The following KANSL1L variants were observed in gnomAD, a reference collection of about 807,000 sequenced individuals.
KANSL1L encodes KAT8 regulatory NSL complex subunit 1-like protein.
A neutral mutation model predicts 108.6 loss-of-function variants in KANSL1L; 25 were observed. That is an observed-to-expected ratio of 0.23 (90% confidence interval 0.17 to 0.32). The LOEUF is 0.32. Ranked by LOEUF, KANSL1L falls within the 10% of genes least tolerant of loss-of-function variation. The pLI is 1.00. For missense variants in KANSL1L, 1,137 were observed against 1,125.7 expected (o/e 1.01, Z -0.14); for synonymous variants, 405 against 395.1 (o/e 1.03, Z -0.30).
At chr2:210,077,862 C>T (rs1221709587) in intron 5 of KANSL1L, among the ~76,000 whole-genome samples, 1 of 152,220 alleles carries the variant, frequency 6.6e-6, no homozygotes, top group Non-Finnish European at 1.5e-5. Context: ...GACACAACTT[C>T]TGAACTGGCT....
chr2:210,023,087 C>T lies in KANSL1L; in HGVS notation c.2826G>A (p.Arg942=), dbSNP rs371880943. Reference sequence around the variant, plus strand: ...TTTCACCATGGAAAGCTGTGCTTGACCTTTCAACCTGATCCTTTTTTTCAT... The same window carrying T: ...TTTCACCATGGAAAGCTGTGCTTGATCTTTCAACCTGATCCTTTTTTTCAT... ...CQDEKKDQVE[R]SSTAFHGEIF... Residue 942 remains arginine, a synonymous_variant, in exon 15 of 15, where the codon AGG becomes AGA. Transcript: ENST00000281772. The T allele has an allele frequency of 6.2e-7, 1 of 1,613,896 alleles. No homozygotes were observed. Among genetic ancestry groups the T allele is most frequent in the Non-Finnish European group, 8.5e-7 (1 of 1,179,956 alleles).
intron 3 of KANSL1L, among the ~76,000 whole-genome samples, chr2:210,124,430 GA>G (rs1259268605): frequency 2.6e-5 from 4 of 151,944 alleles, no homozygotes; most frequent in Non-Finnish European, 4.4e-5. Context: ...AGAAAAATTA[GA>G]AAACAGTTAG....
chr2:210,153,425 T>C, intron 2 of KANSL1L, 70 bp downstream of exon 2: 2 of 1,174,020 alleles, frequency 1.7e-6, no homozygotes, highest in East Asian at 2.4e-5. Context: ...CTTGTCAACA[T>C]ACCTGGAAAC....
Position 210,079,650 on chromosome 2 carries a change from A to ATATATATGTGTGTG in KANSL1L, c.1551-3895_1551-3894insCACACACATATATA, listed in dbSNP as rs1553653251. On this transcript the variant is annotated intron_variant, in intron 5 of 14. Transcript: ENST00000281772. Reference sequence around the variant, plus strand: ...TATATATATATATATATATATATATATATATATATATATATGTATGTGTGT... The same window carrying ATATATATGTGTGTG: ...TATATATATATATATATATATATATATATATATGTGTGTGTATATATATATATATGTATGTGTGT... Among the ~76,000 whole-genome samples, 6 of 19,542 alleles carry ATATATATGTGTGTG rather than the reference A, an allele frequency of 3.1e-4. 1 individual carries two copies. The highest frequency in any genetic ancestry group is 5.5e-4 in the Non-Finnish European group (6 of 10,982). 12.8% of individuals were successfully genotyped at this position (19,542 alleles called of 152,430 possible).
rs368779051 is a variant in KANSL1L at position 210,110,741 on chromosome 2, T to A, written c.1231-6440A>T. On this transcript the variant is annotated intron_variant, in intron 3 of 14. Coordinates refer to ENST00000281772, the MANE Select transcript of KANSL1L (RefSeq NM_152519.4). ...GAGAAAAAAATTGACAAACATACAATATTTGGATGATAGTAGCAGAGAATA... is the reference window on the plus strand; with the variant it reads ...GAGAAAAAAATTGACAAACATACAAAATTTGGATGATAGTAGCAGAGAATA... 5.9e-5 allele frequency among the ~76,000 whole-genome samples: 9 copies of A among 152,240 alleles called. No homozygotes were observed. The East Asian group carries it at 1.5e-3, about 26-fold the overall frequency.
intron 6 of KANSL1L, among the ~76,000 whole-genome samples, chr2:210,050,341 G>C (rs1310418010): frequency 6.6e-6 from 1 of 152,036 alleles, no homozygotes; most frequent in Non-Finnish European, 1.5e-5. Context: ...AGTATAAATG[G>C]TCTAAGCACT....
intron 1 of KANSL1L, among the ~76,000 whole-genome samples, chr2:210,164,005 T>C (rs1361054753): frequency 6.6e-6 from 1 of 152,048 alleles, no homozygotes; most frequent in African/African-American, 2.4e-5. Flanking sequence ...GCAAAAAAAT[T>C]AGGAAACATT....
At chr2:210,167,031 AAAAT>A (rs1471911307) in intron 1 of KANSL1L, among the ~76,000 whole-genome samples, 2 of 152,132 alleles carry the variant, frequency 1.3e-5, no homozygotes, top group African/African-American at 4.8e-5. Context: ...CAAAAATTTA[AAAAT>A]AAATAAATAA....
At chr2:210,058,797 A>G (rs1255986510) in intron 6 of KANSL1L, among the ~76,000 whole-genome samples, 1 of 147,276 alleles carries the variant, frequency 6.8e-6, no homozygotes, top group East Asian at 2.0e-4. Context: ...AGATCGCGCC[A>G]CTGCACTCCA....
chr2:210,124,245 C>T, intron 3 of KANSL1L, among the ~76,000 whole-genome samples: 1 of 151,960 alleles, frequency 6.6e-6, no homozygotes. Flanking sequence ...CCAGATGGAC[C>T]ATATGTTAGG....
chr2:210,039,086 A>G (rs1380189135), intron 8 of KANSL1L, among the ~76,000 whole-genome samples: 1 of 151,912 alleles, frequency 6.6e-6, no homozygotes, highest in South Asian at 2.1e-4. Flanking sequence ...TTTAGTGATT[A>G]TAACTTCATA....
At chr2:210,091,657 C>T (rs889428626) in intron 5 of KANSL1L, among the ~76,000 whole-genome samples, 1 of 152,126 alleles carries the variant, frequency 6.6e-6, no homozygotes, top group African/African-American at 2.4e-5. Context: ...CAATCTGAAT[C>T]GATTTCCTCC....
intron 14 of KANSL1L, among the ~76,000 whole-genome samples, chr2:210,023,825 T>C (rs1225055967): frequency 2.0e-5 from 3 of 152,208 alleles, no homozygotes; most frequent in African/African-American, 7.2e-5. Context: ...AATAGATAAA[T>C]AAGTACTTGG....
intron 5 of KANSL1L, chr2:210,096,406 C>T (rs1490839397): frequency 1.2e-5 from 9 of 749,372 alleles, no homozygotes; most frequent in Non-Finnish European, 1.5e-5. Context: ...TATTTGTGTC[C>T]CTAGGACTTG....
chr2:210,113,126 T>C (rs780794266), intron 3 of KANSL1L, among the ~76,000 whole-genome samples: 26 of 152,184 alleles, frequency 1.7e-4, no homozygotes, highest in African/African-American at 5.6e-4. Context: ...GCAACCATTG[T>C]TGTAGTACCT....
intron 3 of KANSL1L, among the ~76,000 whole-genome samples, chr2:210,111,383 A>G (rs1358857865): frequency 1.3e-5 from 2 of 152,174 alleles, no homozygotes; most frequent in Non-Finnish European, 2.9e-5. Context: ...AAAGAGCAAA[A>G]TAGAGATTAA....
chr2:210,026,166 C>G (rs1344269972), intron 12 of KANSL1L, among the ~76,000 whole-genome samples: 2 of 152,072 alleles, frequency 1.3e-5, no homozygotes, highest in African/African-American at 2.4e-5. Context: ...AGGAAGAATA[C>G]ATTAGAAGAG....
rs533093438 is a variant in KANSL1L at position 210,044,241 on chromosome 2, C to T, written c.1756-137G>A. On this transcript the variant is annotated intron_variant, in intron 6 of 14. Transcript: ENST00000281772. This position sits in a 1 kb window ranked among gnomAD's most constrained non-coding sequence, Gnocchi z 4.2. The stretch of plus-strand genomic sequence containing the variant: ...TTACAAATATTTTGCTAGATGTTTT[C>T]CCAATTAACTTTAATATTTATTAAT... The T allele has an allele frequency of 1.1e-4, 55 of 488,740 alleles. No individual in the cohort carries two copies. In the Middle Eastern group the frequency reaches 2.4e-3, roughly 21 times the overall value. 30.3% of individuals were successfully genotyped at this position (488,740 alleles called of 1,614,324 possible).
intron 5 of KANSL1L, among the ~76,000 whole-genome samples, chr2:210,084,182 G>C (rs950668260): frequency 7.9e-5 from 12 of 152,144 alleles, no homozygotes; most frequent in African/African-American, 2.7e-4. Context: ...AGCACTTTGG[G>C]AGGCCGACAC....
Sources: allele counts gnomAD v4.1 joint callset (sites outside exome capture counted in the v4.1 genomes callset), GRCh38; gene constraint gnomAD v4.1.1; non-coding constraint Gnocchi (gnomAD v3.1); transcripts MANE v1.5; gene names NCBI Gene and HGNC (gene_info 2026-07-23, HGNC 2026-07-21).